ROBO2: variants seen among roughly 807,000 people sequenced by gnomAD.
The protein encoded by ROBO2 is roundabout homolog 2.
Under a neutral mutation model 160.8 loss-of-function variants are expected in ROBO2, and 53 were observed. That is an observed-to-expected ratio of 0.33 (90% CI 0.26 to 0.41). The LOEUF (loss-of-function observed/expected upper bound fraction) is 0.41, where lower values mean the gene tolerates loss of function less well. ROBO2 is among the 10% of genes least tolerant of loss of function. ROBO2 has a pLI of 1.00. For missense variants in ROBO2, 1,577 were observed against 1,722.4 expected (o/e 0.92, Z 1.49); for synonymous variants, 664 against 611.7 (o/e 1.09, Z -1.26).
In ROBO2 at chr3:76,243,658, G is replaced by C. The variant is rs143554500; in HGVS notation, c.109+306056G>C. Among the ~76,000 whole-genome samples, 507 of 152,280 alleles carry C rather than the reference G, an allele frequency of 3.3e-3. 5 individuals are homozygous for C. Among genetic ancestry groups the C allele is most frequent in the Admixed American group, 6.4e-3 (98 of 15,302 alleles). On this transcript the variant is annotated intron_variant, in intron 2 of 26. Transcript: ENST00000487694. ...AGCAGAAGACAGCACTTGCAGGCGT[G>C]ATGCCTGCAGATAAGAAAAGTGCTC...
intron 2 of ROBO2, among the ~76,000 whole-genome samples, chr3:77,127,958 T>C (rs2075497764): frequency 6.6e-6 from 1 of 152,204 alleles, no homozygotes; most frequent in Admixed American, 6.5e-5. Context: ...AGACAAATTA[T>C]TTAGTGTCTG....
exon 19 of ROBO2, chr3:77,596,741 G>A: frequency 6.2e-7 from 1 of 1,613,214 alleles, no homozygotes; most frequent in Non-Finnish European, 8.5e-7. Context: ...TGGAAATTTT[G>A]GCCGTGGAGG....
chr3:76,280,928 A>C (rs1380052310), intron 2 of ROBO2, among the ~76,000 whole-genome samples: 2 of 151,804 alleles, frequency 1.3e-5, no homozygotes, highest in African/African-American at 4.8e-5. Context: ...GTGTTCTTAT[A>C]CTTGTTGGTG....
chr3:76,606,201 G>A (rs927570094), intron 2 of ROBO2, among the ~76,000 whole-genome samples: 2 of 152,106 alleles, frequency 1.3e-5, no homozygotes, highest in African/African-American at 4.8e-5. Flanking sequence ...TCTTTGCACT[G>A]TGTTACCTAA....
intron 2 of ROBO2, among the ~76,000 whole-genome samples, chr3:76,609,607 A>G (rs114665674): frequency 0.016 from 2,364 of 151,882 alleles, 68 homozygotes; most frequent in African/African-American, 0.053. Context: ...ATTAGCTTGG[A>G]TAGGTTTTTG....
Position 76,435,013 on chromosome 3 carries a change from C to T in ROBO2, c.109+497411C>T, listed in dbSNP as rs534138565. 20 of 1,463,754 alleles carry T rather than the reference C, an allele frequency of 1.4e-5. No individual in the cohort carries two copies. The African/African-American group carries it at 2.2e-4, about 16-fold the overall frequency. 90.7% of individuals were successfully genotyped at this position (1,463,754 alleles called of 1,614,324 possible). A position where few individuals can be genotyped will look rare whatever the true frequency, so the allele number is the denominator to read the frequency against. On this transcript the variant is annotated intron_variant, in intron 2 of 26. Transcript: ENST00000487694. ...AGAGTGGAAAATCAGGAAAATGTTT[C>T]CAACCTGGTGATTGAGGATGCAGAG...
In ROBO2 at chr3:77,636,915, A is replaced by G. The variant is rs1430663891; in HGVS notation, c.3934+1872A>G. Among the ~76,000 whole-genome samples the G allele has an allele frequency of 2.6e-5, 4 of 152,216 alleles. No individual in the cohort carries two copies. The East Asian group carries it at 5.8e-4, about 22-fold the overall frequency. ...TTTTAAAGAATGAATTAAAATATGT[A>G]TCCTGAAGTTATATTCTAAGGATAT... is the stretch of plus-strand genomic sequence containing the variant. On this transcript the variant is annotated intron_variant, in intron 24 of 25. Coordinates refer to ENST00000461745, the Ensembl canonical transcript of ROBO2.
intron 2 of ROBO2, among the ~76,000 whole-genome samples, chr3:76,031,364 T>A (rs1484163061): frequency 6.6e-6 from 1 of 152,194 alleles, no homozygotes; most frequent in Non-Finnish European, 1.5e-5. Flanking sequence ...TTCTTTCTCT[T>A]GCCTGATTGC....
intron 2 of ROBO2, among the ~76,000 whole-genome samples, chr3:76,904,933 T>G (rs1166992): frequency 0.69 from 104,907 of 151,934 alleles, 36,421 homozygotes; most frequent in Middle Eastern, 0.82. Flanking sequence ...CTGCATAGTT[T>G]CTTGACAGTT....
intron 1 of ROBO2, among the ~76,000 whole-genome samples, chr3:75,929,663 T>G (rs1256329937): frequency 1.3e-5 from 2 of 152,074 alleles, no homozygotes; most frequent in Non-Finnish European, 2.9e-5. Flanking sequence ...CCTTTGGTAT[T>G]GCCATCATCA....
intron 2 of ROBO2, among the ~76,000 whole-genome samples, chr3:75,982,496 T>C (rs1379734119): frequency 6.6e-6 from 1 of 151,646 alleles, no homozygotes; most frequent in Non-Finnish European, 1.5e-5. Flanking sequence ...TCTATTGTAG[T>C]TTTGGTTTGC....
In ROBO2 at chr3:76,398,331, G is replaced by T. The variant is rs562286156; in HGVS notation, c.109+460729G>T. ...CACACTCTGGGGACTGTTGTGGGGTGGGGGGAGGAGGGAGGGATAGCATTA... is the reference window on the plus strand; with the variant it reads ...CACACTCTGGGGACTGTTGTGGGGTTGGGGGAGGAGGGAGGGATAGCATTA... On this transcript the variant is annotated intron_variant, in intron 2 of 26. Transcript: ENST00000487694. Among the ~76,000 whole-genome samples, 757 of 102,230 alleles carry T rather than the reference G, an allele frequency of 7.4e-3. 5 individuals carry two copies. Among genetic ancestry groups the T allele is most frequent in the African/African-American group, 0.034 (713 of 20,892 alleles). The allele number at this position is 102,230 out of a possible 152,430, so 67.1% of individuals were successfully genotyped here. A position where few individuals can be genotyped will look rare whatever the true frequency, so the allele number is the denominator to read the frequency against.
chr3:76,332,570 A>C (rs780306218), intron 2 of ROBO2, among the ~76,000 whole-genome samples: 4 of 152,188 alleles, frequency 2.6e-5, no homozygotes, highest in Non-Finnish European at 5.9e-5. Flanking sequence ...TAAGAAATAT[A>C]TTCTTAATTT....
chr3:76,625,739 T>G (rs9637486), intron 2 of ROBO2, among the ~76,000 whole-genome samples: 57,300 of 151,984 alleles, frequency 0.38, 11,240 homozygotes, highest in East Asian at 0.62. Context: ...AAAAGGCATA[T>G]TAGCAGGAAG....
chr3:77,219,432 G>GTATA (rs1235543969), intron 2 of ROBO2, among the ~76,000 whole-genome samples: 3 of 76,756 alleles, frequency 3.9e-5, no homozygotes, highest in African/African-American at 1.4e-4. Context: ...GTGTATGTGT[G>GTATA]TGTATATATA....
chr3:76,381,548 A>G (rs566931860), intron 2 of ROBO2, among the ~76,000 whole-genome samples: 12 of 151,976 alleles, frequency 7.9e-5, no homozygotes, highest in Non-Finnish European at 5.9e-5. Context: ...ATGGGGTTTC[A>G]CCATGTTAGC....
intron 2 of ROBO2, among the ~76,000 whole-genome samples, chr3:76,975,808 A>G (rs961758353): frequency 1.3e-5 from 2 of 152,152 alleles, no homozygotes; most frequent in East Asian, 3.9e-4. Flanking sequence ...TGTGCTTAGC[A>G]TTAAAAAAAA....
chr3:76,115,808 A>G (rs2070443587), intron 2 of ROBO2, among the ~76,000 whole-genome samples: 1 of 152,044 alleles, frequency 6.6e-6, no homozygotes, highest in South Asian at 2.1e-4. Flanking sequence ...TCTGTACCTA[A>G]ATTTCAGCAG....
intron 2 of ROBO2, among the ~76,000 whole-genome samples, chr3:76,416,126 C>G (rs972087246): frequency 6.6e-6 from 1 of 151,572 alleles, no homozygotes; most frequent in Non-Finnish European, 1.5e-5. Flanking sequence ...CACTTGCTCT[C>G]CAGGAAAACA....
Sources: allele counts gnomAD v4.1 joint callset (sites outside exome capture counted in the v4.1 genomes callset), GRCh38; gene constraint gnomAD v4.1.1; transcripts MANE v1.5; gene names NCBI Gene and HGNC (gene_info 2026-07-23, HGNC 2026-07-21).